Variants in DPP6 observed in about 807,000 individuals in gnomAD.
DPP6 encodes the protein A-type potassium channel modulatory protein DPP6.
DPP6 carries 69 observed loss-of-function variants against 122.6 expected under a neutral mutation model. The observed-to-expected ratio is 0.56, with a 90% CI of 0.46 to 0.69. The LOEUF (loss-of-function observed/expected upper bound fraction) is 0.69, where lower values mean the gene tolerates loss of function less well. Ranked by LOEUF, DPP6 falls within the 30% of genes least tolerant of loss-of-function variation. The probability of loss-of-function intolerance (pLI) is 0.00; values close to 1 mark genes in which losing one functional copy is unlikely to be tolerated. For synonymous variants in DPP6, 418 were observed against 433.1 expected, an observed-to-expected ratio of 0.97 and a Z score of 0.43; for missense variants, 928 against 1,116.9, an observed-to-expected ratio of 0.83 and a Z score of 2.41.
chr7:154,744,879 G>T (rs2131427235), intron 8 of DPP6, among the ~76,000 whole-genome samples: 1 of 152,318 alleles, frequency 6.6e-6, no homozygotes, highest in South Asian at 2.1e-4. Flanking sequence ...AGGGAGCACA[G>T]CCAGGCACTC....
At chr7:154,540,276 C>T (rs569094293) in intron 3 of DPP6, among the ~76,000 whole-genome samples, 1 of 152,284 alleles carries the variant, frequency 6.6e-6, no homozygotes, top group Non-Finnish European at 1.5e-5. Context: ...TGCCCAAGAA[C>T]ATTCTAGCTG....
upstream of DPP6, among the ~76,000 whole-genome samples, chr7:153,885,183 T>C (rs1178453580): frequency 6.6e-6 from 1 of 151,738 alleles, no homozygotes; most frequent in African/African-American, 2.4e-5. Context: ...AAGAACCATA[T>C]TAACCCTGCT....
At chr7:153,868,656 T>C in the DPP6 span, among the ~76,000 whole-genome samples, 14 of 152,212 alleles carry the variant, frequency 9.2e-5, no homozygotes, top group African/African-American at 3.4e-4. Context: ...TTTCCTTCAG[T>C]TCTGCTCTGA....
chr7:153,786,119 G>A, the DPP6 span, among the ~76,000 whole-genome samples: 2 of 152,122 alleles, frequency 1.3e-5, no homozygotes, highest in African/African-American at 4.8e-5. Flanking sequence ...GCCATGTACT[G>A]AGCTGACTTA....
intron 1 of DPP6, among the ~76,000 whole-genome samples, chr7:154,323,346 T>C (rs1260592523): frequency 6.6e-6 from 1 of 151,368 alleles, no homozygotes; most frequent in African/African-American, 2.4e-5. Flanking sequence ...AAAAAGCAAG[T>C]GCTTTTGCAC....
At chr7:154,696,742 C>T (rs899795718) in intron 7 of DPP6, among the ~76,000 whole-genome samples, 4 of 152,204 alleles carry the variant, frequency 2.6e-5, no homozygotes, top group African/African-American at 7.2e-5. Context: ...GGATGTGACT[C>T]ATACTATGCG....
intron 1 of DPP6, among the ~76,000 whole-genome samples, chr7:154,113,962 AG>A (rs1342842948): frequency 6.6e-6 from 1 of 152,218 alleles, no homozygotes; most frequent in African/African-American, 2.4e-5. Context: ...TAGTAGTGGA[AG>A]TCCTTGCCAG....
At chr7:153,952,659 G>A (rs1208232121) in intron 1 of DPP6, among the ~76,000 whole-genome samples, 3 of 152,186 alleles carry the variant, frequency 2.0e-5, no homozygotes, top group African/African-American at 7.2e-5. Flanking sequence ...TTCCAGCAGA[G>A]AAAGGACTTT....
chr7:154,561,057 A>G (rs929278047), intron 4 of DPP6, among the ~76,000 whole-genome samples: 3 of 152,226 alleles, frequency 2.0e-5, no homozygotes, highest in Non-Finnish European at 4.4e-5. Context: ...AAGAAGACTT[A>G]AGAATCCTAA....
intron 1 of DPP6, among the ~76,000 whole-genome samples, chr7:154,169,061 G>T (rs1209764535): frequency 6.6e-6 from 1 of 150,952 alleles, no homozygotes; most frequent in African/African-American, 2.4e-5. Flanking sequence ...CTCAGGTGCA[G>T]CTGAGACCCT....
At chr7:154,350,578 G>A (rs202235926) in intron 1 of DPP6, among the ~76,000 whole-genome samples, 1 of 152,284 alleles carries the variant, frequency 6.6e-6, no homozygotes, top group Non-Finnish European at 1.5e-5. Flanking sequence ...ATTTGAAGAC[G>A]GGCTGGGGGC....
At chr7:154,631,617 A>G (rs901427240) in intron 5 of DPP6, among the ~76,000 whole-genome samples, 9 of 151,974 alleles carry the variant, frequency 5.9e-5, no homozygotes, top group Non-Finnish European at 1.3e-4. Context: ...CGGTGAGCCA[A>G]GATTGCACCA....
intron 1 of DPP6, among the ~76,000 whole-genome samples, chr7:154,351,872 C>G (rs903176122): frequency 6.6e-6 from 1 of 152,136 alleles, no homozygotes; most frequent in Non-Finnish European, 1.5e-5. Context: ...CATGGCACCT[C>G]TGCTCCCCTG....
At chr7:154,686,522 AT>A (rs1839616316) in intron 7 of DPP6, among the ~76,000 whole-genome samples, 1 of 152,114 alleles carries the variant, frequency 6.6e-6, no homozygotes, top group South Asian at 2.1e-4. Flanking sequence ...CTCAAAGGGA[AT>A]GAAACATTGA....
chr7:154,741,405 G>A (rs368235712), intron 8 of DPP6, among the ~76,000 whole-genome samples: 21 of 152,320 alleles, frequency 1.4e-4, no homozygotes, highest in East Asian at 5.8e-4. Flanking sequence ...TGCATTCAGC[G>A]CAAGGCCAAG....
intron 1 of DPP6, among the ~76,000 whole-genome samples, chr7:154,169,483 T>G (rs1797427879): frequency 1.3e-5 from 2 of 152,140 alleles, no homozygotes; most frequent in African/African-American, 4.8e-5. Flanking sequence ...ACATACCAGC[T>G]ATGGGACTTT....
At chr7:154,653,586 AGAT>A (rs1837025415) in intron 6 of DPP6, among the ~76,000 whole-genome samples, 1 of 151,696 alleles carries the variant, frequency 6.6e-6, no homozygotes, top group Admixed American at 6.6e-5. Flanking sequence ...GATAGGTGAT[AGAT>A]AATAGACTGA....
chr7:154,067,776 G>A (rs1357524601), intron 1 of DPP6, among the ~76,000 whole-genome samples: 3 of 152,036 alleles, frequency 2.0e-5, no homozygotes, highest in Non-Finnish European at 2.9e-5. Context: ...GTGAGATCTG[G>A]CTCTGCCACC....
At position 154,313,729 on chromosome 7, in the gene DPP6, GCACA is replaced by G. The variant is rs200018112; in HGVS notation, c.244-132465_244-132462del. Among the ~76,000 whole-genome samples the G allele has an allele frequency of 2.7e-4, 16 of 59,660 alleles. 1 individual carries two copies. Among genetic ancestry groups the G allele is most frequent in the East Asian group, 8.6e-4 (2 of 2,338 alleles). The allele number at this position is 59,660 out of a possible 152,430, so 39.1% of individuals were successfully genotyped here. On this transcript the variant is annotated intron_variant, in intron 1 of 25. Coordinates refer to ENST00000377770, the MANE Select transcript of DPP6 (RefSeq NM_130797.4). ...TATATATATATACACACACACGCAC[GCACA>G]CACACACACACACACACACCCTTAC...
Sources: gnomAD v4.1 joint callset for allele counts (sites outside exome capture counted in the v4.1 genomes callset) on GRCh38, gnomAD v4.1.1 for gene constraint, MANE v1.5 for transcripts, NCBI Gene and HGNC (gene_info 2026-07-23, HGNC 2026-07-21) for gene names.